SEH1L: variants seen among roughly 807,000 people sequenced by gnomAD.
The protein encoded by SEH1L is nucleoporin SEH1.
Under a neutral mutation model 49.5 loss-of-function variants are expected in SEH1L, and 18 were observed. That is an observed-to-expected ratio of 0.36 (90% CI 0.25 to 0.54). SEH1L has a LOEUF of 0.54. Among genes scored for constraint, SEH1L ranks in the 20% least tolerant of loss-of-function variants. The pLI is 0.87. For missense variants in SEH1L, 404 were observed against 528.8 expected (o/e 0.76, Z 2.31); for synonymous variants, 169 against 178.1 (o/e 0.95, Z 0.41).
chr18:12,963,913 A>T lies in SEH1L; in HGVS notation c.521+542A>T, dbSNP rs190663959. On this transcript the variant is annotated intron_variant, in intron 4 of 8. Coordinates refer to ENST00000399892, the MANE Select transcript of SEH1L (RefSeq NM_001013437.2). ...TTTTTAGTAGACATGGGGTTTTACC[A>T]TGTTGGCCAGACTGGTCTTGAACTT... 8.5e-5 allele frequency among the ~76,000 whole-genome samples: 13 copies of T among 152,308 alleles called. No homozygotes were observed. The East Asian group carries it at 2.3e-3, about 27-fold the overall frequency.
intron 8 of SEH1L, 87 bp from the exon 9 acceptor site, chr18:12,986,775 G>T (rs1454120182): frequency 4.0e-5 from 46 of 1,158,938 alleles, no homozygotes; most frequent in Admixed American, 1.9e-4. Flanking sequence ...GGTTCTCTTT[G>T]TATTTACTAC....
At chr18:12,976,760 C>A (rs540663655) in intron 5 of SEH1L, 2 of 152,176 alleles carry the variant, frequency 1.3e-5, no homozygotes, top group Admixed American at 1.3e-4. Flanking sequence ...GTCAGAAGAT[C>A]GAGACCATCC....
chr18:12,958,724 C>T (rs1199911053), intron 3 of SEH1L, among the ~76,000 whole-genome samples: 1 of 152,096 alleles, frequency 6.6e-6, no homozygotes, highest in East Asian at 1.9e-4. Context: ...TGTGTGTATA[C>T]CACATTTTGT....
intron 6 of SEH1L, among the ~76,000 whole-genome samples, chr18:12,980,424 C>CA (rs2032164577): frequency 1.3e-5 from 1 of 76,658 alleles, no homozygotes; most frequent in Non-Finnish European, 2.4e-5. Flanking sequence ...GGGGGGCTGA[C>CA]CCCCCAACCT....
At chr18:12,957,044 G>A (rs2030906225) in intron 3 of SEH1L, among the ~76,000 whole-genome samples, 1 of 151,314 alleles carries the variant, frequency 6.6e-6, no homozygotes, top group Admixed American at 6.6e-5. Context: ...CTCCAGCCTG[G>A]GCGACGGAGC....
At chr18:12,985,273 C>T (rs764976565) in intron 8 of SEH1L, 1 of 1,607,746 alleles carries the variant, frequency 6.2e-7, no homozygotes, top group Non-Finnish European at 8.5e-7. Context: ...ACTGGAGTAA[C>T]TTTGCTGTTT....
At position 12,963,366 on chromosome 18, in the gene SEH1L, T is replaced by C; in HGVS notation, c.516T>C (p.Pro172=). The C allele has an allele frequency of 6.2e-7, 1 of 1,612,670 alleles. No individual in the cohort carries two copies. Among genetic ancestry groups the C allele is most frequent in the South Asian group, 1.1e-5 (1 of 91,046 alleles). ...KLSCSCISWN[P]SSSRAHSPMI... is the part of the protein sequence containing the mutation. ...GCTGTAGTTGTATTTCTTGGAACCC[T>C]TCAAGGTAAGTTTACATATTAAACC... Residue 172 remains proline (P), a synonymous_variant, in exon 4 of 9, where the codon CCT becomes CCC. Coordinates refer to ENST00000399892, the MANE Select transcript of SEH1L (RefSeq NM_001013437.2).
At chr18:12,985,980 ATG>A in intron 8 of SEH1L, 1 of 897,940 alleles carries the variant, frequency 1.1e-6, no homozygotes, top group Non-Finnish European at 1.3e-6. Flanking sequence ...AAAGAGATAA[ATG>A]TTTCTTATAT....
chr18:12,970,429 C>CT (rs1446581166), intron 4 of SEH1L, among the ~76,000 whole-genome samples: 1 of 151,998 alleles, frequency 6.6e-6, no homozygotes, highest in African/African-American at 2.4e-5. Flanking sequence ...TTCTTCTTTT[C>CT]TTTTTTTCTG....
chr18:12,982,458 T>TAC (rs1491279715), intron 6 of SEH1L, 60 bp from the exon 7 acceptor site: 1 of 1,157,896 alleles, frequency 8.6e-7, no homozygotes, highest in African/African-American at 1.6e-5. Flanking sequence ...TATGTGTGTG[T>TAC]ATATATATAT....
At chr18:12,965,303 C>T (rs183731370) in intron 4 of SEH1L, among the ~76,000 whole-genome samples, 8 of 152,294 alleles carry the variant, frequency 5.3e-5, no homozygotes, top group Middle Eastern at 3.4e-3. Context: ...TGAGCCACCT[C>T]GCCCAGTCCA....
intron 4 of SEH1L, among the ~76,000 whole-genome samples, chr18:12,964,826 A>G (rs2145629551): frequency 6.6e-6 from 1 of 150,482 alleles, no homozygotes; most frequent in South Asian, 2.1e-4. Flanking sequence ...TTTAGTAGAG[A>G]CGGGGTTTGT....
chr18:12,984,946 A>T, intron 8 of SEH1L: 1 of 270,972 alleles, frequency 3.7e-6, no homozygotes, highest in African/African-American at 2.2e-5. Flanking sequence ...AACTATTTTT[A>T]TATTGTTATG....
chr18:12,982,856 T>G, intron 7 of SEH1L, 181 bp downstream of exon 7: 1 of 519,924 alleles, frequency 1.9e-6, no homozygotes, highest in South Asian at 2.9e-5. Context: ...GACTGAATTG[T>G]TTTTTAAGTT....
intron 5 of SEH1L, chr18:12,975,735 A>G: frequency 2.0e-6 from 2 of 986,960 alleles, no homozygotes; most frequent in Non-Finnish European, 2.4e-6. Context: ...CCTTTTAGGG[A>G]GATGACTTTG....
Position 12,986,983 on chromosome 18 carries a change from C to T in SEH1L, c.1192C>T (p.Leu398Phe). The change falls in exon 9 of 9, where the codon CTC (leucine) becomes TTC (phenylalanine). Residue 398 changes from leucine (L) to phenylalanine (F), a missense_variant. Physicochemically the swap from Leu to Phe is conservative, Grantham distance 22. Transcript: ENST00000399892. The stretch of plus-strand genomic sequence containing the variant: ...CTCTTGCGATGCTGACACTGCCAAC[C>T]TCCAGTATCCTCACCCTCGCAGACG... ...EHSCDADTANLQYPHPRRRYL... is the reference protein window; with the variant it reads ...EHSCDADTANFQYPHPRRRYL... The T allele has an allele frequency of 1.2e-6, 2 of 1,613,974 alleles. No individual in the cohort carries two copies. The highest frequency in any genetic ancestry group is 1.7e-6 in the Non-Finnish European group (2 of 1,179,902).
At position 12,967,252 on chromosome 18, in the gene SEH1L, G is replaced by T. The variant is rs138137924; in HGVS notation, c.521+3881G>T. ...ACTGATCAGTGTATAACCTTTTTGT[G>T]TGTCTTTCTTTTTAAAGACAACTTA... On this transcript the variant is annotated intron_variant, in intron 4 of 8. Coordinates refer to ENST00000399892, the MANE Select transcript of SEH1L (RefSeq NM_001013437.2). Among the ~76,000 whole-genome samples, 206 of 152,258 alleles carry T rather than the reference G, an allele frequency of 1.4e-3. 1 individual carries two copies. Among genetic ancestry groups the T allele is most frequent in the African/African-American group, 4.6e-3 (193 of 41,546 alleles).
chr18:12,961,137 T>C, intron 3 of SEH1L, among the ~76,000 whole-genome samples: 1 of 152,178 alleles, frequency 6.6e-6, no homozygotes, highest in Admixed American at 6.5e-5. Context: ...TGGGAGGGGC[T>C]GCGTGTGCAG....
chr18:12,962,699 C>A (rs1215068605), intron 3 of SEH1L, among the ~76,000 whole-genome samples: 1 of 151,280 alleles, frequency 6.6e-6, no homozygotes, highest in African/African-American at 2.4e-5. Context: ...TCTTGAACTC[C>A]TGAGCTCAAG....
Sources: gnomAD v4.1 joint callset for allele counts (sites outside exome capture counted in the v4.1 genomes callset) on GRCh38, gnomAD v4.1.1 for gene constraint, MANE v1.5 for transcripts, NCBI Gene and HGNC (gene_info 2026-07-23, HGNC 2026-07-21) for gene names.